Variants in CCT3 observed in about 807,000 individuals in gnomAD.
The protein encoded by CCT3 is T-complex protein 1 subunit gamma.
CCT3 carries 10 observed loss-of-function variants against 65.3 expected under a neutral mutation model. The ratio of observed to expected loss-of-function variants is 0.15; its 90% CI spans 0.09 to 0.26. The LOEUF is 0.26. Ranked by LOEUF, CCT3 falls within the 10% of genes least tolerant of loss-of-function variation. CCT3 has a pLI of 1.00. For missense variants in CCT3, 626 were observed against 708.7 expected, an observed-to-expected ratio of 0.88 and a Z score of 1.33; for synonymous variants, 225 against 242.3, an observed-to-expected ratio of 0.93 and a Z score of 0.66.
At chr1:156,331,824 G>A (rs1478619727) in intron 5 of CCT3, among the ~76,000 whole-genome samples, 1 of 151,692 alleles carries the variant, frequency 6.6e-6, no homozygotes, top group Non-Finnish European at 1.5e-5. Context: ...ACCTGAGGTC[G>A]GGAGTTCGAC....
At chr1:156,317,864 AC>A (rs781041859) in intron 8 of CCT3, among the ~76,000 whole-genome samples, 17 of 151,336 alleles carry the variant, frequency 1.1e-4, no homozygotes, top group Admixed American at 2.6e-4. Context: ...GCCTGCCACC[AC>A]CCCCAGCTAA....
chr1:156,338,216 C>T lies in CCT3; in HGVS notation c.-32G>A, dbSNP rs541158900. 5 of 1,576,684 alleles carry T rather than the reference C, an allele frequency of 3.2e-6. No individual in the cohort carries two copies. In the African/African-American group the frequency reaches 5.4e-5, roughly 17 times the overall value. On this transcript the variant is annotated 5_prime_UTR_variant, in exon 1 of 14. Transcript: ENST00000295688. ...GCGATGCAGAGCCGGGTACCCAGAG[C>T]TGGGGGAACCGGCAGAACCTTCTGG...
At chr1:156,328,601 G>T (rs567067071) in intron 5 of CCT3, among the ~76,000 whole-genome samples, 2 of 151,890 alleles carry the variant, frequency 1.3e-5, no homozygotes, top group South Asian at 2.1e-4. Context: ...TCCACTCAGG[G>T]TTAAATGGAT....
In CCT3 at chr1:156,317,445, C is replaced by G; in HGVS notation, c.862G>C (p.Asp288His). ...ATGCCCTTTTCAGTGATGACCACATCGGGCTTCAGTTGGATAATGTCCTCA... is the reference window on the plus strand; with the variant it reads ...ATGCCCTTTTCAGTGATGACCACATGGGGCTTCAGTTGGATAATGTCCTCA... ...LCEDIIQLKP[D>H]VVITEKGISD... Residue 288 changes from aspartate (D) to histidine (H), a missense_variant, in exon 9 of 14, where the codon GAT becomes CAT. Physicochemically the swap from Asp to His is moderately conservative, Grantham distance 81. Coordinates refer to ENST00000295688, the MANE Select transcript of CCT3 (RefSeq NM_005998.5). 1 of 1,613,764 alleles carries G rather than the reference C, an allele frequency of 6.2e-7. No individual in the cohort carries two copies. Among genetic ancestry groups the G allele is most frequent in the Non-Finnish European group, 8.5e-7 (1 of 1,179,714 alleles).
At chr1:156,317,323 C>A in intron 9 of CCT3, 76 bp from the exon 10 acceptor site, 3 of 1,591,118 alleles carry the variant, frequency 1.9e-6, no homozygotes, top group African/African-American at 2.7e-5. Flanking sequence ...AACCATGACA[C>A]TATTACGCCC....
intron 1 of CCT3, 92 bp from the exon 2 acceptor site, chr1:156,335,980 G>A (rs1383619084): frequency 4.1e-6 from 4 of 980,796 alleles, no homozygotes; most frequent in African/African-American, 1.6e-5. Context: ...TAAGAATGCA[G>A]GTTTCATGGT....
At chr1:156,326,784 A>T (rs1254031452) in intron 5 of CCT3, among the ~76,000 whole-genome samples, 1 of 152,024 alleles carries the variant, frequency 6.6e-6, no homozygotes, top group African/African-American at 2.4e-5. Flanking sequence ...GGTGGCTCAC[A>T]CCTTGTAATC....
chr1:156,338,009 G>A (rs1665522536), intron 1 of CCT3, 145 bp downstream of exon 1: 3 of 843,894 alleles, frequency 3.6e-6, no homozygotes, highest in Admixed American at 4.4e-5. Context: ...AGAGAGGAAA[G>A]CGGGACACTG....
chr1:156,332,772 C>T (rs2101674128), intron 5 of CCT3: 1 of 152,304 alleles, frequency 6.6e-6, no homozygotes, highest in South Asian at 2.1e-4. Flanking sequence ...TGTGATGTGC[C>T]TTACAGAGAA....
intron 7 of CCT3, among the ~76,000 whole-genome samples, chr1:156,319,601 G>A (rs569828805): frequency 1.3e-5 from 2 of 152,256 alleles, no homozygotes; most frequent in East Asian, 3.9e-4. Flanking sequence ...GCCAGGCACA[G>A]TGGTTCACAC....
intron 11 of CCT3, among the ~76,000 whole-genome samples, 197 bp downstream of exon 11, chr1:156,311,844 G>A (rs1053705681): frequency 6.6e-6 from 1 of 151,748 alleles, no homozygotes; most frequent in Non-Finnish European, 1.5e-5. Context: ...TGATTAAGAT[G>A]GTAAATTTTA....
intron 5 of CCT3, among the ~76,000 whole-genome samples, chr1:156,327,956 G>A (rs1032342734): frequency 6.8e-6 from 1 of 147,288 alleles, no homozygotes; most frequent in Non-Finnish European, 1.5e-5. Context: ...TCTGGGAGGT[G>A]AGGAGACCCT....
chr1:156,332,577 C>T (rs1279160082), intron 5 of CCT3: 3 of 152,172 alleles, frequency 2.0e-5, no homozygotes, highest in Non-Finnish European at 4.4e-5. Context: ...AAATTTGAGT[C>T]ACCCAATGAC....
chr1:156,329,467 A>T (rs1665011937), intron 5 of CCT3, among the ~76,000 whole-genome samples: 1 of 151,630 alleles, frequency 6.6e-6, no homozygotes, highest in South Asian at 2.1e-4. Context: ...CACCATGCCC[A>T]GCTCATTTTT....
At chr1:156,318,813 A>G (rs541982804) in intron 8 of CCT3, 55 bp downstream of exon 8, 45 of 1,564,682 alleles carry the variant, frequency 2.9e-5, no homozygotes, top group Non-Finnish European at 3.8e-5. Flanking sequence ...TCTGTTGTTC[A>G]TATTTGCAGT....
rs1665325066 is a variant in CCT3, at chr1:156,335,946, A to G, written c.32-58T>C. On this transcript the variant is annotated intron_variant, in intron 1 of 13. Transcript: ENST00000295688. ...AGGACTGCCCCATCGTACACAAGCT[A>G]TTTATTTCCCCGTCTTTGAAAAATA... is the stretch of plus-strand genomic sequence containing the variant. 4 of 1,342,834 alleles carry G rather than the reference A, an allele frequency of 3.0e-6. No homozygotes were observed. In the South Asian group the frequency reaches 3.6e-5, roughly 12 times the overall value. The allele number at this position is 1,342,834 out of a possible 1,614,324, so 83.2% of individuals were successfully genotyped here. A position where few individuals can be genotyped will look rare whatever the true frequency, so the allele number is the denominator to read the frequency against.
At chr1:156,324,601 A>G (rs1284052478) in intron 6 of CCT3, among the ~76,000 whole-genome samples, 2 of 151,864 alleles carry the variant, frequency 1.3e-5, no homozygotes, top group African/African-American at 4.8e-5. Context: ...CCTCCTGAGT[A>G]GCTGGCATTA....
At chr1:156,325,215 T>A in intron 5 of CCT3, 126 bp from the exon 6 acceptor site, 1 of 691,022 alleles carries the variant, frequency 1.4e-6, no homozygotes, top group East Asian at 2.5e-5. Context: ...CATTTGGCCA[T>A]TCATACTATT....
intron 6 of CCT3, among the ~76,000 whole-genome samples, chr1:156,323,221 A>G (rs1479546621): frequency 6.6e-6 from 1 of 151,622 alleles, no homozygotes; most frequent in South Asian, 2.1e-4. Context: ...CAGGATAATC[A>G]CTTGAACCTG....
Sources: allele counts gnomAD v4.1 joint callset (sites outside exome capture counted in the v4.1 genomes callset), GRCh38; gene constraint gnomAD v4.1.1; transcripts MANE v1.5; gene names NCBI Gene and HGNC (gene_info 2026-07-23, HGNC 2026-07-21).